The following APBB2 variants were observed in gnomAD, a reference collection of about 807,000 sequenced individuals.
APBB2 encodes amyloid beta precursor protein binding family B member 2, also known as Fe65-like 1.
In APBB2, 38 loss-of-function variants were observed where a neutral mutation model predicts 82.5. The ratio of observed to expected loss-of-function variants is 0.46; its 90% CI spans 0.36 to 0.60. The LOEUF (loss-of-function observed/expected upper bound fraction) is 0.60. Ranked by LOEUF, APBB2 falls within the 20% of genes least tolerant of loss-of-function variation. The pLI, the probability that APBB2 is intolerant of heterozygous loss-of-function variation, is 0.00. For missense variants in APBB2, 772 were observed against 972.3 expected (o/e 0.79, Z 2.74); for synonymous variants, 341 against 368.2 (o/e 0.93, Z 0.85).
Position 41,195,023 on chromosome 4 carries a change from C to T in APBB2, c.-417+19382G>A. Among the ~76,000 whole-genome samples, 580 of 152,230 alleles carry T rather than the reference C, an allele frequency of 3.8e-3. 2 individuals are homozygous for T. Among genetic ancestry groups the T allele is most frequent in the Admixed American group, 6.5e-3 (99 of 15,298 alleles). On this transcript the variant is annotated intron_variant, in intron 1 of 17. Transcript: ENST00000508593. The stretch of plus-strand genomic sequence containing the variant: ...GGCTTCTAAGATGTCACACTCCTGT[C>T]TTAGTGGCCACTGCTCCTCAAGCCC...
intron 1 of APBB2, among the ~76,000 whole-genome samples, chr4:41,173,619 A>T (rs1474979927): frequency 6.6e-6 from 1 of 152,194 alleles, no homozygotes; most frequent in East Asian, 1.9e-4. Flanking sequence ...ACAATACCAT[A>T]CTTCTACCAT....
At chr4:41,012,443 A>C (rs2154428608) in intron 6 of APBB2, among the ~76,000 whole-genome samples, 1 of 152,290 alleles carries the variant, frequency 6.6e-6, no homozygotes, top group Middle Eastern at 3.4e-3. Flanking sequence ...TGATTCCAAT[A>C]ATGTGCAGGG....
chr4:40,979,553 G>A (rs1200427045), intron 6 of APBB2, among the ~76,000 whole-genome samples: 1 of 152,186 alleles, frequency 6.6e-6, no homozygotes, highest in Non-Finnish European at 1.5e-5. Context: ...TCTGTATTCT[G>A]GATGGGCCTG....
chr4:40,820,969 AG>A (rs1747717631), intron 17 of APBB2, among the ~76,000 whole-genome samples: 1 of 152,192 alleles, frequency 6.6e-6, no homozygotes, highest in Non-Finnish European at 1.5e-5. Context: ...CTCAGGTTCA[AG>A]TGATTCTCCT....
chr4:40,817,677 T>C (rs547946472), intron 17 of APBB2, among the ~76,000 whole-genome samples: 4 of 152,174 alleles, frequency 2.6e-5, no homozygotes, highest in African/African-American at 9.6e-5. Flanking sequence ...TCCATGGCTT[T>C]TTTAAAAAAA....
intron 6 of APBB2, among the ~76,000 whole-genome samples, chr4:41,007,234 A>C (rs1385087440): frequency 6.6e-6 from 1 of 151,920 alleles, no homozygotes; most frequent in African/African-American, 2.4e-5. Context: ...AGAGGAAGAG[A>C]GACCTAAGCT....
At chr4:40,849,725 CTTTTTTTTT>C (rs758207803) in intron 12 of APBB2, among the ~76,000 whole-genome samples, 3 of 123,252 alleles carry the variant, frequency 2.4e-5, no homozygotes, top group Admixed American at 9.1e-5. Flanking sequence ...ACTAAAGTTA[CTTTTTTTTT>C]TTTTTTTTTT....
chr4:40,856,079 A>G (rs922842542), intron 12 of APBB2, among the ~76,000 whole-genome samples: 38 of 152,228 alleles, frequency 2.5e-4, no homozygotes, highest in Admixed American at 2.0e-4. Context: ...CAACTGCTCA[A>G]TGGCCTAAGA....
At chr4:41,186,432 TC>T (rs1246452168) in intron 1 of APBB2, among the ~76,000 whole-genome samples, 10 of 152,202 alleles carry the variant, frequency 6.6e-5, no homozygotes, top group Non-Finnish European at 1.3e-4. Flanking sequence ...GTATGTATGC[TC>T]ACTTTGCAGC....
intron 1 of APBB2, among the ~76,000 whole-genome samples, chr4:41,206,370 G>A (rs1255649613): frequency 1.3e-5 from 2 of 152,112 alleles, no homozygotes; most frequent in African/African-American, 2.4e-5. Flanking sequence ...CCAATGTTCT[G>A]GTACATTCCT....
At chr4:41,053,321 G>A (rs572540371) in intron 4 of APBB2, among the ~76,000 whole-genome samples, 2 of 151,520 alleles carry the variant, frequency 1.3e-5, no homozygotes, top group African/African-American at 4.9e-5. Context: ...ATATTGCAAA[G>A]CCATTTCTAC....
At chr4:41,105,015 A>G (rs1746688801) in intron 2 of APBB2, among the ~76,000 whole-genome samples, 1 of 152,208 alleles carries the variant, frequency 6.6e-6, no homozygotes, top group Admixed American at 6.5e-5. Flanking sequence ...GCATACCTGC[A>G]CACCCAGTAA....
intron 15 of APBB2, 117 bp from the exon 16 acceptor site, chr4:40,823,876 A>T (rs1264261541): frequency 4.6e-6 from 3 of 657,662 alleles, no homozygotes; most frequent in Non-Finnish European, 8.2e-6. Context: ...TAGACAGGAC[A>T]CTTCATTCTC....
At chr4:40,951,485 C>T (rs757159595) in intron 6 of APBB2, among the ~76,000 whole-genome samples, 5 of 152,234 alleles carry the variant, frequency 3.3e-5, no homozygotes, top group South Asian at 4.1e-4. Context: ...GGAGAGTCTG[C>T]GAAGACGCGA....
chr4:41,128,458 G>A (rs1755042825), intron 2 of APBB2, among the ~76,000 whole-genome samples: 1 of 152,110 alleles, frequency 6.6e-6, no homozygotes, highest in African/African-American at 2.4e-5. Context: ...CCAGTAAAAG[G>A]TAACATTTTA....
At chr4:40,932,757 C>G (rs918548949) in intron 10 of APBB2, among the ~76,000 whole-genome samples, 36 of 151,970 alleles carry the variant, frequency 2.4e-4, no homozygotes, top group African/African-American at 8.2e-4. Context: ...AACGAAAATG[C>G]AAGCCCCCGC....
intron 4 of APBB2, among the ~76,000 whole-genome samples, chr4:41,052,827 C>T (rs1478537075): frequency 1.3e-5 from 2 of 149,912 alleles, no homozygotes; most frequent in African/African-American, 2.5e-5. Context: ...AGTGCAGTGG[C>T]GTGATCTCGG....
intron 4 of APBB2, among the ~76,000 whole-genome samples, chr4:41,060,576 G>A (rs965782912): frequency 2.0e-5 from 3 of 152,182 alleles, no homozygotes; most frequent in African/African-American, 7.2e-5. Flanking sequence ...TCACAGAGGA[G>A]AGGAGGGAAA....
intron 2 of APBB2, among the ~76,000 whole-genome samples, chr4:41,121,747 C>T (rs1326014139): frequency 6.6e-6 from 1 of 152,194 alleles, no homozygotes; most frequent in Non-Finnish European, 1.5e-5. Flanking sequence ...CTGGAAACTG[C>T]TTCCTCCCTC....
Sources: gnomAD v4.1 joint callset for allele counts (sites outside exome capture counted in the v4.1 genomes callset) on GRCh38, gnomAD v4.1.1 for gene constraint, MANE v1.5 for transcripts, NCBI Gene and HGNC (gene_info 2026-07-23, HGNC 2026-07-21) for gene names.